Variants in MYO9A observed in about 807,000 individuals in gnomAD.
MYO9A encodes myosin IXA.
Under a neutral mutation model 293.3 loss-of-function variants are expected in MYO9A, and 103 were observed. That is an observed-to-expected ratio of 0.35 (90% CI 0.30 to 0.41). The LOEUF (loss-of-function observed/expected upper bound fraction) is 0.41, where lower values mean the gene tolerates loss of function less well. Ranked by LOEUF, MYO9A falls within the 10% of genes least tolerant of loss-of-function variation. The probability of loss-of-function intolerance (pLI) is 1.00; values close to 1 mark genes in which losing one functional copy is unlikely to be tolerated. For synonymous variants in MYO9A, 1,001 were observed against 1,035.7 expected (o/e 0.97, Z 0.64); for missense variants, 2,685 against 3,033.0 (o/e 0.89, Z 2.69).
chr15:72,106,349 A>C (rs2080568380), intron 1 of MYO9A, among the ~76,000 whole-genome samples: 1 of 152,060 alleles, frequency 6.6e-6, no homozygotes, highest in African/African-American at 2.4e-5. Context: ...ATAATTAGGA[A>C]GGCACAGTGG....
chr15:71,928,531 A>T (rs1169414556), intron 18 of MYO9A, among the ~76,000 whole-genome samples: 1 of 152,100 alleles, frequency 6.6e-6, no homozygotes, highest in African/African-American at 2.4e-5. Context: ...CACTCTGGGC[A>T]ATATGGAGAT....
intron 15 of MYO9A, among the ~76,000 whole-genome samples, chr15:71,942,538 CTTAACT>C (rs1293980133): frequency 1.3e-5 from 2 of 151,416 alleles, no homozygotes; most frequent in Non-Finnish European, 3.0e-5. Context: ...TTTTATTTAC[CTTAACT>C]ATTATATGCT....
chr15:71,994,775 C>T (rs2076649031), intron 9 of MYO9A, among the ~76,000 whole-genome samples, 190 bp from the exon 10 acceptor site: 1 of 152,194 alleles, frequency 6.6e-6, no homozygotes, highest in African/African-American at 2.4e-5. Context: ...TCTCATTGGC[C>T]ACGCTGGAAT....
intron 16 of MYO9A, among the ~76,000 whole-genome samples, chr15:71,937,304 T>A (rs371764891): frequency 1.3e-5 from 2 of 152,052 alleles, no homozygotes; most frequent in East Asian, 1.9e-4. Context: ...TACAGGGAAA[T>A]CTTTCCTGTA....
At chr15:71,999,967 A>T in intron 8 of MYO9A, 27 bp from the exon 9 acceptor site, 2 of 1,557,082 alleles carry the variant, frequency 1.3e-6, no homozygotes, top group Non-Finnish European at 1.8e-6. Context: ...TAAACTCAAT[A>T]TGTAAGATTT....
At position 71,897,642 on chromosome 15, in the gene MYO9A, A is replaced by G; in HGVS notation, c.4861T>C (p.Ser1621Pro). Reference protein sequence around the residue: ...PCQSSTVKELSKTDRMGTQLN... With the variant: ...PCQSSTVKELPKTDRMGTQLN... Reference sequence around the variant, plus strand: ...TGGGTGCCCATTCTGTCTGTCTTGGATAATTCCTTGACAGTACTAGATTGG... The same window carrying G: ...TGGGTGCCCATTCTGTCTGTCTTGGGTAATTCCTTGACAGTACTAGATTGG... Residue 1621 changes from serine to proline, a missense_variant, in exon 25 of 42, where the codon TCC becomes CCC. Ser to Pro is a moderately conservative substitution (Grantham distance 74, BLOSUM62 -1). Transcript: ENST00000356056. The G allele has an allele frequency of 6.2e-7, 1 of 1,614,152 alleles. No homozygotes were observed. Among genetic ancestry groups the G allele is most frequent in the Non-Finnish European group, 8.5e-7 (1 of 1,180,026 alleles).
In MYO9A at chr15:71,902,352, T is replaced by A. The variant is rs28501562; in HGVS notation, c.3000+589A>T. On this transcript the variant is annotated intron_variant, in intron 22 of 41. Transcript: ENST00000356056. ...TAAAGAACTAAGTATATTAAGATAA[T>A]AATTTTAATATTATGAGTAGAATAA... Among the ~76,000 whole-genome samples, 859 of 152,106 alleles carry A rather than the reference T, an allele frequency of 5.6e-3. 12 individuals are homozygous for A. The highest frequency in any genetic ancestry group is 0.02 in the African/African-American group (813 of 41,502).
intron 1 of MYO9A, among the ~76,000 whole-genome samples, chr15:72,051,928 G>A (rs540144234): frequency 1.3e-5 from 2 of 152,300 alleles, no homozygotes; most frequent in South Asian, 4.1e-4. Context: ...GAAGCCTGGG[G>A]ACCAGGCTTT....
chr15:71,878,259 G>A, intron 30 of MYO9A, 28 bp from the exon 31 acceptor site: 2 of 1,448,240 alleles, frequency 1.4e-6, no homozygotes. Flanking sequence ...AGAAATGTAT[G>A]GTTTTATAAA....
intron 16 of MYO9A, among the ~76,000 whole-genome samples, 155 bp from the exon 17 acceptor site, chr15:71,935,639 T>C (rs181293534): frequency 4.1e-4 from 62 of 152,282 alleles, no homozygotes; most frequent in Non-Finnish European, 5.9e-4. Flanking sequence ...TGCCAATCAG[T>C]TGGGACTAAC....
chr15:71,999,989 T>A (rs542589158), intron 8 of MYO9A, 49 bp from the exon 9 acceptor site: 7 of 1,469,776 alleles, frequency 4.8e-6, no homozygotes, highest in Non-Finnish European at 6.5e-6. Context: ...TGACAATAGG[T>A]TGAATTATCT....
chr15:71,979,251 C>G (rs889784498), intron 11 of MYO9A, among the ~76,000 whole-genome samples: 1 of 152,116 alleles, frequency 6.6e-6, no homozygotes, highest in Non-Finnish European at 1.5e-5. Flanking sequence ...TAATTCTTTT[C>G]TTTTAATTAA....
rs1310985585 is a variant in MYO9A, at chr15:72,046,228, A to C, written c.336T>G (p.Leu112=). ...DYRFLLREKN[L]DGSIHYGSLQ... Reference sequence around the variant, plus strand: ...GGCTACCATAATGGATTGATCCATCAAGGTTTTTCTCTCTCAGAAGGAAGC... The same window carrying C: ...GGCTACCATAATGGATTGATCCATCCAGGTTTTTCTCTCTCAGAAGGAAGC... The change falls in exon 2 of 42, where the codon CTT becomes CTG. Residue 112 remains leucine, a synonymous_variant. Coordinates refer to ENST00000356056, the MANE Select transcript of MYO9A (RefSeq NM_006901.4). 1 of 1,613,880 alleles carries C rather than the reference A, an allele frequency of 6.2e-7. No homozygotes were observed. Among genetic ancestry groups the C allele is most frequent in the South Asian group, 1.1e-5 (1 of 91,068 alleles).
Position 71,980,625 on chromosome 15 carries a change from A to T in MYO9A, c.1723-2333T>A, listed in dbSNP as rs193100845. The stretch of plus-strand genomic sequence containing the variant: ...CTAGCTGGGAAGATCACTTGAGGCC[A>T]TGAGTTTGAGACTAACCAGGACAAC... On this transcript the variant is annotated intron_variant, in intron 11 of 41. Coordinates refer to ENST00000356056, the MANE Select transcript of MYO9A (RefSeq NM_006901.4). Among the ~76,000 whole-genome samples, 4 of 152,286 alleles carry T rather than the reference A, an allele frequency of 2.6e-5. No individual in the cohort carries two copies. In the East Asian group the frequency reaches 7.7e-4, roughly 29 times the overall value.
chr15:72,020,980 T>C lies in MYO9A; in HGVS notation c.1036A>G (p.Ser346Gly). The C allele has an allele frequency of 1.3e-6, 2 of 1,555,170 alleles. No individual in the cohort carries two copies. The highest frequency in any genetic ancestry group is 1.7e-6 in the Non-Finnish European group (2 of 1,159,442). ...TGGAATGCTGATCTCTCATCTTCAC[T>C]TGCTCCTGCCAGGAGGTAATAGAAT... ...HVFYYLLAGA[S>G]EDERSAFHLK... Residue 346 changes from serine (S) to glycine (G), a missense_variant, in exon 5 of 42, where the codon AGT becomes GGT. Ser to Gly is a moderately conservative substitution (Grantham distance 56). Around this residue, in one of 10 missense-constraint regions of MYO9A, gnomAD observed 289 missense variants for 456.8 expected, o/e 0.63. Transcript: ENST00000356056.
intron 1 of MYO9A, among the ~76,000 whole-genome samples, chr15:72,105,644 A>G (rs1014991621): frequency 6.7e-6 from 1 of 150,368 alleles, no homozygotes; most frequent in Non-Finnish European, 1.5e-5. Flanking sequence ...AGTAGCTGGG[A>G]TTACAGGCAT....
At chr15:72,055,923 G>A (rs11853063) in intron 1 of MYO9A, among the ~76,000 whole-genome samples, 2,324 of 152,286 alleles carry the variant, frequency 0.015, 54 homozygotes, top group African/African-American at 0.052. Context: ...ACAGCATGGA[G>A]ATTCCTTAAA....
At chr15:71,971,202 T>C (rs1329469931) in intron 12 of MYO9A, among the ~76,000 whole-genome samples, 1 of 151,886 alleles carries the variant, frequency 6.6e-6, no homozygotes, top group African/African-American at 2.4e-5. Flanking sequence ...ATTCTCATTA[T>C]TGGGTTAAAT....
chr15:72,101,932 C>A (rs1173212953), intron 1 of MYO9A, among the ~76,000 whole-genome samples: 1 of 152,220 alleles, frequency 6.6e-6, no homozygotes, highest in Non-Finnish European at 1.5e-5. Context: ...TGCCCGGCCG[C>A]CCCTACTGGG....
Sources: allele counts gnomAD v4.1 joint callset (sites outside exome capture counted in the v4.1 genomes callset), GRCh38; gene constraint gnomAD v4.1.1; regional missense constraint gnomAD v4.1.1; transcripts MANE v1.5; gene names NCBI Gene and HGNC (gene_info 2026-07-23, HGNC 2026-07-21).